The following SLC24A3 variants were observed in gnomAD, a reference collection of about 807,000 sequenced individuals.
SLC24A3 encodes solute carrier family 24 member 3.
A neutral mutation model predicts 75.8 loss-of-function variants in SLC24A3; 28 were observed. That is an observed-to-expected ratio of 0.37 (90% CI 0.27 to 0.51). The LOEUF is 0.51. Ranked by LOEUF, SLC24A3 falls within the 20% of genes least tolerant of loss-of-function variation. SLC24A3 has a pLI of 0.94. For missense variants in SLC24A3, 663 were observed against 847.8 expected, an observed-to-expected ratio of 0.78 and a Z score of 2.71; for synonymous variants, 372 against 334.1, an observed-to-expected ratio of 1.11 and a Z score of -1.24.
At chr20:19,253,869 G>A (rs949509327) in intron 1 of SLC24A3, among the ~76,000 whole-genome samples, 13 of 152,224 alleles carry the variant, frequency 8.5e-5, no homozygotes, top group East Asian at 3.9e-4. Context: ...AGGCCACACC[G>A]TCCTCTTCCA....
chr20:19,218,335 A>G (rs1981620583), intron 1 of SLC24A3, among the ~76,000 whole-genome samples: 1 of 152,176 alleles, frequency 6.6e-6, no homozygotes, highest in Non-Finnish European at 1.5e-5. Flanking sequence ...ATGGGATAGC[A>G]CTGAGCTGAA....
intron 12 of SLC24A3, among the ~76,000 whole-genome samples, chr20:19,687,468 T>C (rs2032690813): frequency 1.3e-5 from 2 of 152,202 alleles, no homozygotes; most frequent in Admixed American, 1.3e-4. Flanking sequence ...CTGAGAATCT[T>C]AGGGACCTGT....
Position 19,515,544 on chromosome 20 carries a change from G to A in SLC24A3, c.328G>A (p.Val110Met). 4 of 1,614,194 alleles carry A rather than the reference G, an allele frequency of 2.5e-6. No individual in the cohort carries two copies. The highest frequency in any genetic ancestry group is 3.4e-6 in the Non-Finnish European group (4 of 1,180,020). Residue 110 changes from valine (V) to methionine (M), a missense_variant, in exon 3 of 17, where the codon GTG (valine) becomes ATG (methionine). Physicochemically the swap from Val to Met is conservative, Grantham distance 21 (BLOSUM62 1). Coordinates refer to ENST00000328041, the MANE Select transcript of SLC24A3 (RefSeq NM_020689.4). The part of the protein sequence containing the change: ...FTNEDRRQGA[V>M]VLHVLCAIYM... ...AAACGAGGATAGAAGACAAGGTGCG[G>A]TGGTCCTCCATGTGCTCTGTGTAAG...
At chr20:19,586,704 G>A (rs1460885565) in intron 6 of SLC24A3, among the ~76,000 whole-genome samples, 1 of 152,114 alleles carries the variant, frequency 6.6e-6, no homozygotes, top group Non-Finnish European at 1.5e-5. Context: ...TGTCTGGATT[G>A]CCTGGTGTGT....
At chr20:19,500,529 T>TA (rs1254009433) in intron 2 of SLC24A3, among the ~76,000 whole-genome samples, 1 of 152,328 alleles carries the variant, frequency 6.6e-6, no homozygotes, top group East Asian at 1.9e-4. Flanking sequence ...ATTATTTGGA[T>TA]AAAAAATTGT....
At chr20:19,718,664 C>T (rs959096724) in intron 16 of SLC24A3, among the ~76,000 whole-genome samples, 1 of 152,162 alleles carries the variant, frequency 6.6e-6, no homozygotes, top group African/African-American at 2.4e-5. Context: ...CTACAGGAGA[C>T]CTGGCTAACC....
At chr20:19,547,806 C>T (rs2030625890) in intron 3 of SLC24A3, among the ~76,000 whole-genome samples, 1 of 152,242 alleles carries the variant, frequency 6.6e-6, no homozygotes, top group Admixed American at 6.5e-5. Context: ...TTCATGATGT[C>T]TAATAACCCT....
intron 1 of SLC24A3, among the ~76,000 whole-genome samples, chr20:19,279,799 T>C (rs1184728554): frequency 6.6e-6 from 1 of 152,204 alleles, no homozygotes; most frequent in African/African-American, 2.4e-5. Flanking sequence ...GCCACATGGA[T>C]GTCCAAGGTG....
chr20:19,466,868 A>G (rs775517708), intron 2 of SLC24A3, among the ~76,000 whole-genome samples: 13 of 152,150 alleles, frequency 8.5e-5, no homozygotes, highest in Non-Finnish European at 1.8e-4. Context: ...GTGTTTATTA[A>G]TTTATTTAAA....
rs1384387802 is a variant in SLC24A3 at position 19,535,654 on chromosome 20, G to A, written c.348+20090G>A. Among the ~76,000 whole-genome samples, 7 of 152,142 alleles carry A rather than the reference G, an allele frequency of 4.6e-5. No individual in the cohort carries two copies. In the East Asian group the frequency reaches 1.3e-3, roughly 29 times the overall value. ...CCACATTTTTTATAAGAGAGTCTTA[G>A]GGGAGGTGATTTGCTTGAGAGAGAA... On this transcript the variant is annotated intron_variant, in intron 3 of 16. Coordinates refer to ENST00000328041, the MANE Select transcript of SLC24A3 (RefSeq NM_020689.4).
intron 7 of SLC24A3, among the ~76,000 whole-genome samples, chr20:19,662,425 C>A (rs935703367): frequency 2.0e-5 from 3 of 152,258 alleles, no homozygotes; most frequent in Admixed American, 6.5e-5. Flanking sequence ...AAGACAGCAG[C>A]GGCTAAAGCC....
At chr20:19,594,374 C>T (rs1240824954) in intron 6 of SLC24A3, among the ~76,000 whole-genome samples, 1 of 152,206 alleles carries the variant, frequency 6.6e-6, no homozygotes, top group Non-Finnish European at 1.5e-5. Context: ...GGCCTGAGAC[C>T]TCCTAGAATC....
intron 2 of SLC24A3, among the ~76,000 whole-genome samples, chr20:19,500,296 C>T (rs1160628717): frequency 6.6e-6 from 1 of 152,210 alleles, no homozygotes; most frequent in Non-Finnish European, 1.5e-5. Flanking sequence ...TACTCGGCCG[C>T]CACCTCGGAA....
chr20:19,413,198 G>C (rs771108516), intron 2 of SLC24A3, among the ~76,000 whole-genome samples: 1 of 152,284 alleles, frequency 6.6e-6, no homozygotes, highest in East Asian at 1.9e-4. Flanking sequence ...TGGACCTATA[G>C]CTAGTTACAT....
At chr20:19,615,806 C>G (rs1355584872) in intron 6 of SLC24A3, among the ~76,000 whole-genome samples, 3 of 152,202 alleles carry the variant, frequency 2.0e-5, no homozygotes, top group Admixed American at 2.0e-4. Context: ...CCTTTGGACT[C>G]TGAGACTTGC....
intron 9 of SLC24A3, among the ~76,000 whole-genome samples, chr20:19,675,623 A>G (rs2032513381): frequency 6.6e-6 from 1 of 152,242 alleles, no homozygotes; most frequent in Non-Finnish European, 1.5e-5. Context: ...GGAGAAGGGC[A>G]TTCCTAGAGT....
chr20:19,587,911 G>A (rs1568664679), intron 6 of SLC24A3, among the ~76,000 whole-genome samples: 1 of 152,238 alleles, frequency 6.6e-6, no homozygotes, highest in East Asian at 1.9e-4. Context: ...CATCCCTGGG[G>A]TTCTCACCTC....
intron 15 of SLC24A3, among the ~76,000 whole-genome samples, chr20:19,700,264 C>T (rs2032855300): frequency 6.6e-6 from 1 of 152,204 alleles, no homozygotes; most frequent in Non-Finnish European, 1.5e-5. Flanking sequence ...ATCCTGGCAG[C>T]TCTCATGTCT....
chr20:19,323,853 G>GT (rs1251916176), intron 2 of SLC24A3, among the ~76,000 whole-genome samples: 1 of 152,238 alleles, frequency 6.6e-6, no homozygotes, highest in African/African-American at 2.4e-5. Flanking sequence ...GTTTAAAAAA[G>GT]TTTTTTTGAT....
Sources: allele counts gnomAD v4.1 joint callset (sites outside exome capture counted in the v4.1 genomes callset), GRCh38; gene constraint gnomAD v4.1.1; transcripts MANE v1.5; gene names NCBI Gene and HGNC (gene_info 2026-07-23, HGNC 2026-07-21).